Variants in TNFRSF10B observed in about 807,000 individuals in gnomAD.
TNFRSF10B encodes tumor necrosis factor receptor superfamily member 10B.
TNFRSF10B carries 35 observed loss-of-function variants against 41.4 expected under a neutral mutation model. The observed-to-expected ratio is 0.85, with a 90% CI of 0.65 to 1.12. The LOEUF (loss-of-function observed/expected upper bound fraction) is 1.12. TNFRSF10B is among the 50% of genes most tolerant of loss of function. The probability of loss-of-function intolerance (pLI) is 0.00; values close to 1 mark genes in which losing one functional copy is unlikely to be tolerated. For synonymous variants in TNFRSF10B, 230 were observed against 215.5 expected, an observed-to-expected ratio of 1.07 and a Z score of -0.59; for missense variants, 584 against 552.7, an observed-to-expected ratio of 1.06 and a Z score of -0.57.
rs573379102 is a variant in TNFRSF10B at position 23,023,170 on chromosome 8, C to T, written c.1010-186G>A. Among the ~76,000 whole-genome samples the T allele has an allele frequency of 1.6e-4, 24 of 147,204 alleles. No individual in the cohort carries two copies. In the East Asian group the frequency reaches 3.7e-3, roughly 23 times the overall value. On this transcript the variant is annotated intron_variant, in intron 8 of 8. Transcript: ENST00000276431. ...CGCCCACACTGCCTGGCCTCCCCCA[C>T]ACGCAAGGCACTGCGGGGAGTCAAA...
At position 23,021,582 on chromosome 8, in the gene TNFRSF10B, A is replaced by G. The variant is rs1273859964; in HGVS notation, c.*1089T>C. 6.6e-6 allele frequency: 3 copies of G among 454,052 alleles called. No individual in the cohort carries two copies. Among genetic ancestry groups the G allele is most frequent in the African/African-American group, 6.0e-5 (3 of 50,016 alleles). 28.1% of individuals were successfully genotyped at this position (454,052 alleles called of 1,614,324 possible). ...GATCTAACCCATCTGCCTCTGTCCC[A>G]GCCTGTCCATAGATGGGGGCTATGG... On this transcript the variant is annotated 3_prime_UTR_variant, in exon 9 of 9. Transcript: ENST00000276431.
chr8:23,045,173 T>A (rs1281284853), intron 1 of TNFRSF10B, among the ~76,000 whole-genome samples: 1 of 150,338 alleles, frequency 6.7e-6, no homozygotes, highest in African/African-American at 2.5e-5. Flanking sequence ...AAAGTGGCAG[T>A]AAGCTGAGAT....
chr8:23,049,501 T>C (rs1243404888), intron 1 of TNFRSF10B, among the ~76,000 whole-genome samples: 1 of 152,100 alleles, frequency 6.6e-6, no homozygotes, highest in East Asian at 1.9e-4. Context: ...CCTGGACCCA[T>C]TTAGATTAAG....
At chr8:23,037,619 T>C (rs1812062546) in intron 2 of TNFRSF10B, among the ~76,000 whole-genome samples, 1 of 152,188 alleles carries the variant, frequency 6.6e-6, no homozygotes, top group African/African-American at 2.4e-5. Context: ...GCGCCCACTA[T>C]AATGGGCCTG....
In TNFRSF10B at chr8:23,027,555, T is replaced by G. The variant is rs1811741345; in HGVS notation, c.780+167A>C. 1.5e-5 allele frequency: 14 copies of G among 909,514 alleles called. No individual in the cohort carries two copies. The East Asian group carries it at 3.7e-4, about 24-fold the overall frequency. 56.3% of individuals were successfully genotyped at this position (909,514 alleles called of 1,614,324 possible). On this transcript the variant is annotated intron_variant, in intron 6 of 8. Coordinates refer to ENST00000276431, the MANE Select transcript of TNFRSF10B (RefSeq NM_003842.5). ...CAGCAGGGCTCACCAGCCTATGTGG[T>G]GCTCAAAATGGCCATGTGTCCCCCA...
At chr8:23,055,244 C>CTGT (rs1812630714) in intron 1 of TNFRSF10B, among the ~76,000 whole-genome samples, 1 of 152,002 alleles carries the variant, frequency 6.6e-6, no homozygotes, top group Non-Finnish European at 1.5e-5. Context: ...TCTCTAAGCC[C>CTGT]CTAAAATAGA....
At position 23,058,611 on chromosome 8, in the gene TNFRSF10B, G is replaced by C. The variant is rs931191781; in HGVS notation, c.144+10140C>G. Among the ~76,000 whole-genome samples, 5 of 151,728 alleles carry C rather than the reference G, an allele frequency of 3.3e-5. No individual in the cohort carries two copies. In the East Asian group the frequency reaches 9.8e-4, roughly 30 times the overall value. On this transcript the variant is annotated intron_variant, in intron 1 of 8. Transcript: ENST00000276431. ...AGCGATTCTCCTGCCTCAGCTTCCC[G>C]AGTAGCTGGGACTACAGGCATGCAT...
In TNFRSF10B at chr8:23,022,332, A is replaced by G; in HGVS notation, c.*339T>C. On this transcript the variant is annotated 3_prime_UTR_variant, in exon 9 of 9. Coordinates refer to ENST00000276431, the MANE Select transcript of TNFRSF10B (RefSeq NM_003842.5). ...GACAACGACTGTGTAGATGGATCTT[A>G]CAATGTAGCCCAAATAAATAAATAA... 2.1e-6 allele frequency: 1 copy of G among 467,586 alleles called. No individual in the cohort carries two copies. Among genetic ancestry groups the G allele is most frequent in the South Asian group, 1.5e-5 (1 of 64,600 alleles). The allele number at this position is 467,586 out of a possible 1,614,324, so 29.0% of individuals were successfully genotyped here.
chr8:23,027,462 G>T, intron 6 of TNFRSF10B, 174 bp from the exon 7 acceptor site: 2 of 866,884 alleles, frequency 2.3e-6, no homozygotes, highest in Non-Finnish European at 1.8e-6. Context: ...CAGGCCCCCA[G>T]TGCTGTGCTC....
chr8:23,043,687 A>C (rs1458536326), intron 1 of TNFRSF10B, among the ~76,000 whole-genome samples: 2 of 152,192 alleles, frequency 1.3e-5, no homozygotes, highest in East Asian at 3.8e-4. Context: ...AAACTTAAAA[A>C]ATTGGGATAC....
Position 23,068,804 on chromosome 8 carries a change from C to T in TNFRSF10B, c.91G>A (p.Gly31Arg). 6.2e-7 allele frequency: 1 copy of T among 1,611,132 alleles called. No individual in the cohort carries two copies. The highest frequency in any genetic ancestry group is 1.1e-5 in the South Asian group (1 of 90,786). Reference protein sequence around the residue: ...GPREARGARPGPRVPKTLVLV... With the variant: ...GPREARGARPRPRVPKTLVLV... The stretch of plus-strand genomic sequence containing the variant: ...ACAAGGGTCTTGGGGACCCGGGGCC[C>T]AGGCCTGGCTCCCCGCGCCTCCCTG... The change falls in exon 1 of 9, where the codon GGG becomes AGG. Residue 31 changes from glycine to arginine, a missense_variant. Gly to Arg is a moderately radical substitution (Grantham distance 125). Transcript: ENST00000276431.
At chr8:23,027,933 G>C (rs1811759622) in intron 5 of TNFRSF10B, 180 bp from the exon 6 acceptor site, 1 of 689,428 alleles carries the variant, frequency 1.5e-6, no homozygotes, top group East Asian at 2.7e-5. Flanking sequence ...GATGAGAAGG[G>C]GAACTAGAGT....
intron 1 of TNFRSF10B, among the ~76,000 whole-genome samples, chr8:23,048,558 G>T (rs1812432441): frequency 6.6e-6 from 1 of 152,260 alleles, no homozygotes; most frequent in East Asian, 1.9e-4. Context: ...GGTTAGACAG[G>T]AGGAATAAGA....
intron 1 of TNFRSF10B, among the ~76,000 whole-genome samples, chr8:23,054,452 C>T (rs1031451493): frequency 3.3e-5 from 5 of 152,116 alleles, no homozygotes; most frequent in African/African-American, 1.2e-4. Flanking sequence ...TCCAGAATTT[C>T]GAAACTGTGA....
Position 23,069,021 on chromosome 8 carries a change from G to A in TNFRSF10B, c.-127C>T. ...GTTCTCCGGCCGCGTGCTGATTTAT[G>A]TGTCCAGGCTGACTTGGGGCGGCGC... On this transcript the variant is annotated 5_prime_UTR_variant, in exon 1 of 9. Coordinates refer to ENST00000276431, the MANE Select transcript of TNFRSF10B (RefSeq NM_003842.5). 6.8e-7 allele frequency: 1 copy of A among 1,481,016 alleles called. No homozygotes were observed. The highest frequency in any genetic ancestry group is 9.2e-7 in the Non-Finnish European group (1 of 1,082,352). The allele number at this position is 1,481,016 out of a possible 1,614,324, so 91.7% of individuals were successfully genotyped here. A position where few individuals can be genotyped will look rare whatever the true frequency, so the allele number is the denominator to read the frequency against.
Position 23,028,519 on chromosome 8 carries a change from T to C in TNFRSF10B, c.560A>G (p.His187Arg), listed in dbSNP as rs1443121939. Residue 187 changes from histidine to arginine, a missense_variant, in exon 5 of 9, where the codon CAC (histidine) becomes CGC (arginine). Physicochemically the swap from His to Arg is conservative, Grantham distance 29. Coordinates refer to ENST00000276431, the MANE Select transcript of TNFRSF10B (RefSeq NM_003842.5). ...ECVHKESGTK[H>R]SGEVPAVEET... ...CTCCACAGCTGGGACTTCCCCACTG[T>C]GCTTTGTACCTGATTCTTTGTGGAC... is the stretch of plus-strand genomic sequence containing the variant. 11 of 1,614,054 alleles carry C rather than the reference T, an allele frequency of 6.8e-6. No homozygotes were observed. Among genetic ancestry groups the C allele is most frequent in the Non-Finnish European group, 9.3e-6 (11 of 1,179,972 alleles).
chr8:23,024,041 T>C, intron 8 of TNFRSF10B, 147 bp downstream of exon 8: 1 of 948,524 alleles, frequency 1.1e-6, no homozygotes, highest in Admixed American at 1.8e-5. Context: ...GAGAAGACAG[T>C]TTAGGGTCCA....
chr8:23,058,082 A>G (rs1167386995), intron 1 of TNFRSF10B, among the ~76,000 whole-genome samples: 1 of 152,116 alleles, frequency 6.6e-6, no homozygotes, highest in Non-Finnish European at 1.5e-5. Flanking sequence ...CCCCATCTCT[A>G]CTAAAAATAC....
In TNFRSF10B at chr8:23,043,346, C is replaced by T; in HGVS notation, c.145-103G>A. ...GCCCAGGCACCCAAGCTAAACAGAA[C>T]CCTCATCTTTCTTGCAGCTCTCACC... is the stretch of plus-strand genomic sequence containing the variant. On this transcript the variant is annotated intron_variant, in intron 1 of 8. Coordinates refer to ENST00000276431, the MANE Select transcript of TNFRSF10B (RefSeq NM_003842.5). 2.0e-5 allele frequency: 17 copies of T among 837,436 alleles called. No individual in the cohort carries two copies. In the South Asian group the frequency reaches 2.5e-4, roughly 12 times the overall value. The allele number at this position is 837,436 out of a possible 1,614,324, so 51.9% of individuals were successfully genotyped here. A position where few individuals can be genotyped will look rare whatever the true frequency, so the allele number is the denominator to read the frequency against.
Sources: gnomAD v4.1 joint callset for allele counts (sites outside exome capture counted in the v4.1 genomes callset) on GRCh38, gnomAD v4.1.1 for gene constraint, MANE v1.5 for transcripts, NCBI Gene and HGNC (gene_info 2026-07-23, HGNC 2026-07-21) for gene names.